Variants in COL5A1 observed in about 807,000 individuals in gnomAD.
COL5A1 encodes collagen alpha-1(V) chain.
In COL5A1, 16 loss-of-function variants were observed where a neutral mutation model predicts 263.7. The observed-to-expected ratio is 0.06, with a 90% confidence interval of 0.04 to 0.09. The LOEUF (loss-of-function observed/expected upper bound fraction) is 0.09, where lower values mean the gene tolerates loss of function less well. COL5A1 is among the 10% of genes least tolerant of loss of function. The pLI is 1.00. For synonymous variants in COL5A1, 1,012 were observed against 1,004.5 expected, an observed-to-expected ratio of 1.01 and a Z score of -0.14; for missense variants, 2,036 against 2,540.5, an observed-to-expected ratio of 0.80 and a Z score of 4.27.
intron 11 of COL5A1, among the ~76,000 whole-genome samples, chr9:134,747,753 A>G (rs1179490262): frequency 6.6e-6 from 1 of 151,586 alleles, no homozygotes; most frequent in East Asian, 1.9e-4. Flanking sequence ...ACACATGCAC[A>G]CATGCATTCA....
intron 11 of COL5A1, among the ~76,000 whole-genome samples, chr9:134,748,173 C>G (rs949518299): frequency 2.0e-5 from 3 of 151,632 alleles, no homozygotes; most frequent in Non-Finnish European, 2.9e-5. Context: ...CGTGCACACA[C>G]ATGCATTCAT....
Position 134,765,226 on chromosome 9 carries a change from C to T in COL5A1, c.2035-455C>T, listed in dbSNP as rs961563893. On this transcript the variant is annotated intron_variant, in intron 20 of 65. Transcript: ENST00000371817. The surrounding 1 kb of genome is among the most constrained non-coding windows in gnomAD (Gnocchi z 5.1). ...TCACCTGGTGCTCTCCTGCCCGCAC[C>T]CTCTGACCCTGTGATATCATAAAAA... Among the ~76,000 whole-genome samples, 2 of 152,148 alleles carry T rather than the reference C, an allele frequency of 1.3e-5. No individual in the cohort carries two copies. The highest frequency in any genetic ancestry group is 2.9e-5 in the Non-Finnish European group (2 of 68,006).
chr9:134,842,615 G>C lies in COL5A1; in HGVS notation c.*312G>C. On this transcript the variant is annotated 3_prime_UTR_variant, in exon 66 of 66. Transcript: ENST00000371817. This position sits in a 1 kb window ranked among gnomAD's most constrained non-coding sequence, Gnocchi z 5.8. ...ATGCCTCCAGCCCCCCAGCTCGCCCGACCCATCCTGTTCGTGAATAGGTCT... is the reference window on the plus strand; with the variant it reads ...ATGCCTCCAGCCCCCCAGCTCGCCCCACCCATCCTGTTCGTGAATAGGTCT... 1.9e-6 allele frequency: 1 copy of C among 513,272 alleles called. No individual in the cohort carries two copies. Among genetic ancestry groups the C allele is most frequent in the Non-Finnish European group, 3.5e-6 (1 of 283,910 alleles). The allele number at this position is 513,272 out of a possible 1,614,324, so 31.8% of individuals were successfully genotyped here. A position where few individuals can be genotyped will look rare whatever the true frequency, so the allele number is the denominator to read the frequency against.
At position 134,652,788 on chromosome 9, in the gene COL5A1, G is replaced by A. The variant is rs1831739462; in HGVS notation, c.109+10492G>A. 1 of 466,894 alleles carries A rather than the reference G, an allele frequency of 2.1e-6. No individual in the cohort carries two copies. Among genetic ancestry groups the A allele is most frequent in the African/African-American group, 2.0e-5 (1 of 50,054 alleles). 28.9% of individuals were successfully genotyped at this position (466,894 alleles called of 1,614,324 possible). On this transcript the variant is annotated intron_variant, in intron 1 of 65. Coordinates refer to ENST00000371817, the MANE Select transcript of COL5A1 (RefSeq NM_000093.5). This position sits in a 1 kb window ranked among gnomAD's most constrained non-coding sequence, Gnocchi z 4.4. ...CGGGTCCAGCGTTTCTCCTCATGGT[G>A]TAGACCAGCAGTTCCCAAACTTTAC...
chr9:134,677,239 C>G lies in COL5A1; in HGVS notation c.110-13673C>G, dbSNP rs1364404929. Among the ~76,000 whole-genome samples the G allele has an allele frequency of 6.6e-6, 1 of 152,068 alleles. No individual in the cohort carries two copies. The highest frequency in any genetic ancestry group is 2.4e-5 in the African/African-American group (1 of 41,406). On this transcript the variant is annotated intron_variant, in intron 1 of 65. Transcript: ENST00000371817. The surrounding 1 kb of genome is among the most constrained non-coding windows in gnomAD (Gnocchi z 4.4). ...ACTTGAGAGTGGGAAGCCTGAAAGT[C>G]CAGCCTTTTTATCCAGATCTCAGCT...
At position 134,726,475 on chromosome 9, in the gene COL5A1, T is replaced by A. The variant is rs1350734127; in HGVS notation, c.655-791T>A. 2.6e-5 allele frequency among the ~76,000 whole-genome samples: 4 copies of A among 151,908 alleles called. No individual in the cohort carries two copies. The South Asian group carries it at 6.3e-4, about 24-fold the overall frequency. On this transcript the variant is annotated intron_variant, in intron 4 of 65. Coordinates refer to ENST00000371817, the MANE Select transcript of COL5A1 (RefSeq NM_000093.5). Reference sequence around the variant, plus strand: ...ATGGATGAGTGGATGGATGGGTGAATGGGTTGAAGGATGAGTGGATAGATG... The same window carrying A: ...ATGGATGAGTGGATGGATGGGTGAAAGGGTTGAAGGATGAGTGGATAGATG...
Position 134,701,155 on chromosome 9 carries a change from A to G in COL5A1, c.492-16A>G, listed in dbSNP as rs775028310. 1.9e-6 allele frequency: 3 copies of G among 1,613,676 alleles called. No homozygotes were observed. Among genetic ancestry groups the G allele is most frequent in the Admixed American group, 3.3e-5 (2 of 60,022 alleles). The stretch of plus-strand genomic sequence containing the variant: ...CTGTGATCCAAGCCCTGTCTTCACC[A>G]TCTGTTTCTTTGCAGGTGGCACAGA... On this transcript the variant is annotated splice_polypyrimidine_tract_variant and intron_variant, in intron 3 of 65. Transcript: ENST00000371817.
In COL5A1 at chr9:134,789,105, G is replaced by T. The variant is rs374375722; in HGVS notation, c.2647-50G>T. On this transcript the variant is annotated intron_variant, in intron 31 of 65. Transcript: ENST00000371817. This position sits in a 1 kb window ranked among gnomAD's most constrained non-coding sequence, Gnocchi z 4.8. ...GTCCCCCAGGCGGCCCATGCAGCAT[G>T]ACTCATTCCTGGCCCAGCTCTGATG... The T allele has an allele frequency of 1.7e-5, 27 of 1,562,226 alleles. No homozygotes were observed. Among genetic ancestry groups the T allele is most frequent in the Non-Finnish European group, 2.3e-5 (26 of 1,135,018 alleles).
intron 1 of COL5A1, chr9:134,653,068 A>G (rs947710452): frequency 1.6e-4 from 32 of 198,400 alleles, no homozygotes; most frequent in Middle Eastern, 4.3e-3. Flanking sequence ...CGCTGGAGAG[A>G]AGAGAGGAGG....
chr9:134,694,527 T>C (rs146253642), intron 2 of COL5A1, among the ~76,000 whole-genome samples: 2 of 152,342 alleles, frequency 1.3e-5, no homozygotes, highest in African/African-American at 2.4e-5. Context: ...GGAAGAATCC[T>C]GTTCCCATTT....
rs1416484314 is a variant in COL5A1, at chr9:134,680,296, G to T, written c.110-10616G>T. 6.6e-6 allele frequency among the ~76,000 whole-genome samples: 1 copy of T among 152,206 alleles called. No homozygotes were observed. Among genetic ancestry groups the T allele is most frequent in the African/African-American group, 2.4e-5 (1 of 41,450 alleles). ...TTTTCTCACCCTGTGAAACACTGCG[G>T]GTCGGTGCACAGGTGTCTGGATGTG... On this transcript the variant is annotated intron_variant, in intron 1 of 65. Transcript: ENST00000371817. This position sits in a 1 kb window ranked among gnomAD's most constrained non-coding sequence, Gnocchi z 5.9.
chr9:134,810,635 G>C (rs150414239), intron 44 of COL5A1, among the ~76,000 whole-genome samples: 1 of 152,308 alleles, frequency 6.6e-6, no homozygotes, highest in African/African-American at 2.4e-5. Context: ...AGAATGCTCC[G>C]GCAGAGACAG....
At chr9:134,730,994 C>A (rs1044559784) in intron 7 of COL5A1, among the ~76,000 whole-genome samples, 1 of 152,322 alleles carries the variant, frequency 6.6e-6, no homozygotes, top group African/African-American at 2.4e-5. Context: ...CTGGACCTCG[C>A]GGTTCTCCTT....
rs148596833 is a variant in COL5A1, at chr9:134,757,604, G to A, written c.1882-639G>A. Among the ~76,000 whole-genome samples, 228 of 152,252 alleles carry A rather than the reference G, an allele frequency of 1.5e-3. No homozygotes were observed. Among genetic ancestry groups the A allele is most frequent in the African/African-American group, 4.9e-3 (204 of 41,538 alleles). ...GTGGCCTGGGGTGACAGGAGGAAAC[G>A]CAGTCTTGTTGACTCTGTCTCAGAA... On this transcript the variant is annotated intron_variant, in intron 17 of 65. Transcript: ENST00000371817. This position sits in a 1 kb window ranked among gnomAD's most constrained non-coding sequence, Gnocchi z 6.2.
intron 27 of COL5A1, 47 bp from the exon 28 acceptor site, chr9:134,780,055 C>T: frequency 1.2e-6 from 2 of 1,609,662 alleles, no homozygotes; most frequent in Non-Finnish European, 8.5e-7. Flanking sequence ...TCTAGAAAGG[C>T]TGAGACTTGT....
rs911475383 is a variant in COL5A1, at chr9:134,680,430, C to T, written c.110-10482C>T. ...AGGGGTGGGGACAGCAGGCCCCTTC[C>T]AGGTGCGAGCTCCCTGCCCGGCACA... On this transcript the variant is annotated intron_variant, in intron 1 of 65. Coordinates refer to ENST00000371817, the MANE Select transcript of COL5A1 (RefSeq NM_000093.5). This position sits in a 1 kb window ranked among gnomAD's most constrained non-coding sequence, Gnocchi z 5.9. Among the ~76,000 whole-genome samples, 10 of 152,166 alleles carry T rather than the reference C, an allele frequency of 6.6e-5. No individual in the cohort carries two copies. The highest frequency in any genetic ancestry group is 1.2e-4 in the Non-Finnish European group (8 of 68,026).
At chr9:134,815,812 G>T in intron 51 of COL5A1, 123 bp from the exon 52 acceptor site, 2 of 1,329,034 alleles carry the variant, frequency 1.5e-6, no homozygotes, top group South Asian at 2.4e-5. Flanking sequence ...CACTGACCAT[G>T]CTCTGTGCTG....
intron 63 of COL5A1, among the ~76,000 whole-genome samples, chr9:134,826,916 G>A (rs1220151133): frequency 3.3e-5 from 5 of 152,090 alleles, no homozygotes; most frequent in African/African-American, 7.2e-5. Context: ...AGACGGGCGT[G>A]TGTTGCTATC....
rs372891725 is a variant in COL5A1, at chr9:134,753,838, A to C, written c.1720-12A>C. On this transcript the variant is annotated splice_polypyrimidine_tract_variant and intron_variant, in intron 14 of 65. Coordinates refer to ENST00000371817, the MANE Select transcript of COL5A1 (RefSeq NM_000093.5). ...CCTCGAGCAGACATTAACACACACCATGTCTCCCTAGGGTCCCCCTGGGAG... is the reference window on the plus strand; with the variant it reads ...CCTCGAGCAGACATTAACACACACCCTGTCTCCCTAGGGTCCCCCTGGGAG... 2.8e-5 allele frequency: 42 copies of C among 1,481,112 alleles called. No individual in the cohort carries two copies. In the African/African-American group the frequency reaches 4.7e-4, roughly 17 times the overall value. The allele number at this position is 1,481,112 out of a possible 1,614,324, so 91.7% of individuals were successfully genotyped here.
Sources: gnomAD v4.1 joint callset for allele counts (sites outside exome capture counted in the v4.1 genomes callset) on GRCh38, gnomAD v4.1.1 for gene constraint, Gnocchi (gnomAD v3.1) non-coding constraint, MANE v1.5 for transcripts, NCBI Gene and HGNC (gene_info 2026-07-23, HGNC 2026-07-21) for gene names.